LURAP1L: variants seen among roughly 807,000 people sequenced by gnomAD.
LURAP1L encodes leucine rich adaptor protein 1-like.
A neutral mutation model predicts 13.8 loss-of-function variants in LURAP1L; 12 were observed. That is an observed-to-expected ratio of 0.87 (90% CI 0.56 to 1.41). The LOEUF is 1.41. Among genes scored for constraint, LURAP1L ranks in the 40% most tolerant of loss-of-function variants. The pLI is 0.00. For missense variants in LURAP1L, 375 were observed against 292.9 expected (o/e 1.28, Z -2.04); for synonymous variants, 139 against 119.2 (o/e 1.17, Z -1.08).
intron 1 of LURAP1L, among the ~76,000 whole-genome samples, chr9:12,802,272 C>T (rs889493239): frequency 2.6e-5 from 4 of 152,250 alleles, no homozygotes; most frequent in South Asian, 2.1e-4. Context: ...TGTGTCCCCA[C>T]CCAAGTCTCA....
intron 1 of LURAP1L, among the ~76,000 whole-genome samples, chr9:12,805,790 T>C (rs963337844): frequency 6.6e-6 from 1 of 152,310 alleles, no homozygotes; most frequent in African/African-American, 2.4e-5. Flanking sequence ...GAATCGGCTG[T>C]TTTATACACC....
At chr9:12,815,065 GTCTT>G (rs1326090861) in intron 1 of LURAP1L, among the ~76,000 whole-genome samples, 1 of 152,176 alleles carries the variant, frequency 6.6e-6, no homozygotes, top group Non-Finnish European at 1.5e-5. Context: ...GTTGTACAGT[GTCTT>G]CTCAGGCTGC....
chr9:12,821,202 GT>G (rs559697634), intron 1 of LURAP1L, among the ~76,000 whole-genome samples, 183 bp from the exon 2 acceptor site: 13 of 151,880 alleles, frequency 8.6e-5, no homozygotes, highest in East Asian at 3.9e-4. Context: ...CAGGAAGTGA[GT>G]TTTTTTTATT....
chr9:12,816,419 T>A (rs1341443254), intron 1 of LURAP1L, among the ~76,000 whole-genome samples: 2 of 152,128 alleles, frequency 1.3e-5, no homozygotes, highest in Non-Finnish European at 2.9e-5. Flanking sequence ...CAAGCCACTT[T>A]CCCCAAAGGT....
rs1469831243 is a variant in LURAP1L at position 12,820,488 on chromosome 9, T to G, written c.313-898T>G. Reference sequence around the variant, plus strand: ...ACTGCACTCCAGCCTGGACGACAGATCGAGACTCCGTCCCCCCCCCCCCCC... The same window carrying G: ...ACTGCACTCCAGCCTGGACGACAGAGCGAGACTCCGTCCCCCCCCCCCCCC... On this transcript the variant is annotated intron_variant, in intron 1 of 1. Coordinates refer to ENST00000319264, the MANE Select transcript of LURAP1L (RefSeq NM_203403.2). Among the ~76,000 whole-genome samples the G allele has an allele frequency of 1.0e-4, 11 of 108,176 alleles. 1 individual carries two copies. Among genetic ancestry groups the G allele is most frequent in the East Asian group, 7.7e-4 (3 of 3,912 alleles). The allele number at this position is 108,176 out of a possible 152,430, so 71.0% of individuals were successfully genotyped here. A position where few individuals can be genotyped will look rare whatever the true frequency, so the allele number is the denominator to read the frequency against.
At chr9:12,819,767 G>A (rs752749471) in intron 1 of LURAP1L, among the ~76,000 whole-genome samples, 3 of 151,832 alleles carry the variant, frequency 2.0e-5, no homozygotes, top group Non-Finnish European at 4.4e-5. Flanking sequence ...AGCCTGGCCA[G>A]CATGGTGAAA....
At chr9:12,799,912 C>T (rs1264106568) in intron 1 of LURAP1L, among the ~76,000 whole-genome samples, 4 of 148,816 alleles carry the variant, frequency 2.7e-5, no homozygotes, top group Non-Finnish European at 4.5e-5. Flanking sequence ...GATATATATT[C>T]TATGTATTTA....
At position 12,775,618 on chromosome 9, in the gene LURAP1L, C is replaced by T; in HGVS notation, c.-98C>T. The T allele has an allele frequency of 2.7e-6, 4 of 1,471,746 alleles. No homozygotes were observed. Among genetic ancestry groups the T allele is most frequent in the South Asian group, 1.4e-5 (1 of 69,300 alleles). The allele number at this position is 1,471,746 out of a possible 1,614,324, so 91.2% of individuals were successfully genotyped here. ...GAGCGGCGGAGGATAGAGACCCTGG[C>T]CCCCGGAGAGGTCTGCTGATTTCGC... On this transcript the variant is annotated 5_prime_UTR_variant, in exon 1 of 2. Transcript: ENST00000319264.
chr9:12,791,822 G>A (rs890771725), intron 1 of LURAP1L, among the ~76,000 whole-genome samples: 1 of 151,968 alleles, frequency 6.6e-6, no homozygotes, highest in East Asian at 1.9e-4. Flanking sequence ...CAGTTGTGGG[G>A]CATAAATGTT....
chr9:12,817,431 G>C (rs1819818974), intron 1 of LURAP1L, among the ~76,000 whole-genome samples: 1 of 152,102 alleles, frequency 6.6e-6, no homozygotes, highest in South Asian at 2.1e-4. Context: ...ATGCTCATGG[G>C]GGGAAGAGAA....
intron 1 of LURAP1L, among the ~76,000 whole-genome samples, chr9:12,776,532 G>T (rs942632061): frequency 6.6e-6 from 1 of 151,972 alleles, no homozygotes; most frequent in African/African-American, 2.4e-5. Flanking sequence ...CACCAGTACC[G>T]CTCCGCCCTC....
At chr9:12,787,092 CAA>C (rs1232410155) in intron 1 of LURAP1L, among the ~76,000 whole-genome samples, 13 of 152,036 alleles carry the variant, frequency 8.6e-5, no homozygotes, top group Non-Finnish European at 1.9e-4. Context: ...CTAAAACATG[CAA>C]AGAGTACAAA....
intron 1 of LURAP1L, chr9:12,777,560 T>C (rs192602043): frequency 4.2e-5 from 41 of 974,826 alleles, no homozygotes; most frequent in Non-Finnish European, 1.7e-5. Context: ...ATCTAATAAA[T>C]AAATCTTGTT....
intron 1 of LURAP1L, among the ~76,000 whole-genome samples, chr9:12,815,933 A>G (rs1819798858): frequency 6.6e-6 from 1 of 152,198 alleles, no homozygotes; most frequent in Non-Finnish European, 1.5e-5. Context: ...AGTACCTCAA[A>G]TTAACATCAA....
At chr9:12,781,333 C>T (rs4387064) in intron 1 of LURAP1L, among the ~76,000 whole-genome samples, 118,756 of 151,948 alleles carry the variant, frequency 0.78, 47,943 homozygotes, top group Non-Finnish European at 0.89. Flanking sequence ...TGTTGTACTA[C>T]CAAACGTTAG....
At chr9:12,791,691 T>TACACAC (rs111521632) in intron 1 of LURAP1L, among the ~76,000 whole-genome samples, 2,337 of 147,712 alleles carry the variant, frequency 0.016, 70 homozygotes, top group African/African-American at 0.054. Context: ...CCCTTCTTTT[T>TACACAC]ACACACACAC....
intron 1 of LURAP1L, among the ~76,000 whole-genome samples, chr9:12,783,228 G>A (rs1819299610): frequency 6.6e-6 from 1 of 151,850 alleles, no homozygotes; most frequent in Non-Finnish European, 1.5e-5. Context: ...GCTCTATCTA[G>A]GACTTCCAGT....
chr9:12,804,056 T>G (rs1819622314), intron 1 of LURAP1L, among the ~76,000 whole-genome samples: 1 of 152,344 alleles, frequency 6.6e-6, no homozygotes, highest in South Asian at 2.1e-4. Context: ...AAAGTTTATT[T>G]AATCATATTT....
Position 12,821,551 on chromosome 9 carries a change from T to C in LURAP1L, c.478T>C (p.Leu160=). 6.2e-7 allele frequency: 1 copy of C among 1,614,100 alleles called. No individual in the cohort carries two copies. The highest frequency in any genetic ancestry group is 8.5e-7 in the Non-Finnish European group (1 of 1,180,016). Residue 160 remains leucine (L), a synonymous_variant, in exon 2 of 2, where the codon TTA becomes CTA. Coordinates refer to ENST00000319264, the MANE Select transcript of LURAP1L (RefSeq NM_203403.2). ...TTTGTTGGAGAGTCAGAGCACCTCC[T>C]TACGTGGCAGCTACAACAGCCTACA... ...CSLLESQSTS[L]RGSYNSLHDG... is the part of the protein sequence containing the mutation.
Sources: gnomAD v4.1 joint callset for allele counts (sites outside exome capture counted in the v4.1 genomes callset) on GRCh38, gnomAD v4.1.1 for gene constraint, MANE v1.5 for transcripts, NCBI Gene and HGNC (gene_info 2026-07-23, HGNC 2026-07-21) for gene names.